The following ALOXE3 variants were observed in gnomAD, a reference collection of about 807,000 sequenced individuals.
The protein encoded by ALOXE3 is arachidonate epidermal lipoxygenase 3, also known as hydroperoxide isomerase ALOXE3.
In ALOXE3, 78 loss-of-function variants were observed where a neutral mutation model predicts 87.5. That is an observed-to-expected ratio of 0.89 (90% CI 0.74 to 1.08). The LOEUF (loss-of-function observed/expected upper bound fraction) is 1.08. Among genes scored for constraint, ALOXE3 ranks in the 50% least tolerant of loss-of-function variants. ALOXE3 has a pLI of 0.00. For synonymous variants in ALOXE3, 363 were observed against 370.8 expected (o/e 0.98, Z 0.24); for missense variants, 946 against 912.4 (o/e 1.04, Z -0.47).
At chr17:8,115,882 C>T (rs925849809) in intron 3 of ALOXE3, among the ~76,000 whole-genome samples, 194 bp from the exon 4 acceptor site, 30 of 152,232 alleles carry the variant, frequency 2.0e-4, no homozygotes, top group Non-Finnish European at 1.5e-5. Flanking sequence ...CAAATTATAG[C>T]AATCTTCCCA....
In ALOXE3 at chr17:8,108,452, G is replaced by A. The variant is rs1254135382; in HGVS notation, c.1684+16C>T. 3.1e-6 allele frequency: 5 copies of A among 1,611,732 alleles called. No homozygotes were observed. Among genetic ancestry groups the A allele is most frequent in the Non-Finnish European group, 2.5e-6 (3 of 1,178,640 alleles). ...CTCATCAGAGCTACACGGAAAGTGGGATAGAGAGGGGATACCTGAGCTTTC... is the reference window on the plus strand; with the variant it reads ...CTCATCAGAGCTACACGGAAAGTGGAATAGAGAGGGGATACCTGAGCTTTC... On this transcript the variant is annotated intron_variant, in intron 13 of 15. Transcript: ENST00000448843.
Position 8,096,808 on chromosome 17 carries a change from T to G in ALOXE3, c.1957-2A>C. On this transcript the variant is annotated splice_acceptor_variant, in intron 15 of 15. Transcript: ENST00000448843. LOFTEE classifies it high-confidence loss of function. Reference sequence around the variant, plus strand: ...ATCTGGGTAGGTGCCCAGGGGCCTCTGGGAGGACATCAGGTAAGAGGTCAG... The same window carrying G: ...ATCTGGGTAGGTGCCCAGGGGCCTCGGGGAGGACATCAGGTAAGAGGTCAG... The G allele has an allele frequency of 6.2e-7, 1 of 1,614,050 alleles. No homozygotes were observed.
chr17:8,110,605 A>ACCCCAGAGAGGAGCTGAGGC, intron 8 of ALOXE3, 77 bp from the exon 9 acceptor site: 2 of 1,598,360 alleles, frequency 1.3e-6, no homozygotes, highest in South Asian at 2.2e-5. Context: ...GCCCACTTCC[A>ACCCCAGAGAGGAGCTGAGGC]CCCCAGAGAG....
chr17:8,118,001 A>G lies in ALOXE3; in HGVS notation c.-11T>C. ...GCGGTACACTGCCATGATGGGAAGG[A>G]GGAAGGGATGCCCCGGCAACGCTGG... On this transcript the variant is annotated 5_prime_UTR_variant, in exon 2 of 16. Coordinates refer to ENST00000448843, the MANE Select transcript of ALOXE3 (RefSeq NM_021628.3). 6.2e-7 allele frequency: 1 copy of G among 1,609,846 alleles called. No individual in the cohort carries two copies. The highest frequency in any genetic ancestry group is 8.5e-7 in the Non-Finnish European group (1 of 1,179,538).
At chr17:8,112,012 G>T in intron 7 of ALOXE3, 81 bp downstream of exon 7, 2 of 1,289,168 alleles carry the variant, frequency 1.6e-6, no homozygotes, top group Non-Finnish European at 2.3e-6. Context: ...CTGGGAGAGG[G>T]CCCTTTCCCA....
In ALOXE3 at chr17:8,116,808, C is replaced by A. The variant is rs1568005522; in HGVS notation, c.320G>T (p.Gly107Val). ...TGGCCTCAGCTCCACGGTGCAGTAG[C>A]CTTCAATCCACTGATAGCAGGGGAA... Reference protein sequence around the residue: ...SHFPCYQWIEGYCTVELRPGT... With the variant: ...SHFPCYQWIEVYCTVELRPGT... The change falls in exon 3 of 16, where the codon GGC becomes GTC. Residue 107 changes from glycine to valine, a missense_variant. Gly to Val is a moderately radical substitution (Grantham distance 109). Coordinates refer to ENST00000448843, the MANE Select transcript of ALOXE3 (RefSeq NM_021628.3). 1 of 1,614,116 alleles carries A rather than the reference C, an allele frequency of 6.2e-7. No homozygotes were observed. The highest frequency in any genetic ancestry group is 1.3e-5 in the African/African-American group (1 of 74,940).
intron 14 of ALOXE3, 164 bp from the exon 15 acceptor site, chr17:8,103,657 G>A (rs1979070904): frequency 1.2e-6 from 1 of 839,318 alleles, no homozygotes; most frequent in Non-Finnish European, 1.9e-6. Flanking sequence ...TCATGGAAAG[G>A]CAAGAGAGGA....
At position 8,109,158 on chromosome 17, in the gene ALOXE3, GC is replaced by G. The variant is rs758837775; in HGVS notation, c.1562+15del. 2.5e-5 allele frequency: 40 copies of G among 1,611,744 alleles called. No individual in the cohort carries two copies. In the East Asian group the frequency reaches 8.9e-4, roughly 36 times the overall value. ...AGACCCTGGTGGGACTGCTGGTCCC[GC>G]CCCGCACCTCGCACCTCTCAATGGC... On this transcript the variant is annotated intron_variant, in intron 12 of 15. Coordinates refer to ENST00000448843, the MANE Select transcript of ALOXE3 (RefSeq NM_021628.3).
rs1460158255 is a variant in ALOXE3, at chr17:8,118,185, C to T, written c.-195G>A. 6.4e-7 allele frequency: 1 copy of T among 1,551,556 alleles called. No homozygotes were observed. The highest frequency in any genetic ancestry group is 1.2e-5 in the South Asian group (1 of 84,052). On this transcript the variant is annotated 5_prime_UTR_variant, in exon 2 of 16. Transcript: ENST00000448843. ...TTCTCTCTCCGAAGCTCCCTGCTGGCGGCTCGGGCTTCCTCTCTCCGCCCA... is the reference window on the plus strand; with the variant it reads ...TTCTCTCTCCGAAGCTCCCTGCTGGTGGCTCGGGCTTCCTCTCTCCGCCCA...
chr17:8,097,082 T>G (rs1377594991), intron 15 of ALOXE3, among the ~76,000 whole-genome samples: 1 of 152,174 alleles, frequency 6.6e-6, no homozygotes, highest in Non-Finnish European at 1.5e-5. Flanking sequence ...GCCTGTTACT[T>G]TGACTCTTTG....
intron 15 of ALOXE3, among the ~76,000 whole-genome samples, chr17:8,097,292 G>A (rs150550489): frequency 2.2e-4 from 33 of 152,146 alleles, no homozygotes; most frequent in African/African-American, 7.2e-4. Context: ...ACCGTGCCTG[G>A]CCTAGACCTT....
intron 8 of ALOXE3, among the ~76,000 whole-genome samples, chr17:8,111,052 TC>T (rs1235057820): frequency 1.3e-5 from 2 of 152,304 alleles, no homozygotes; most frequent in East Asian, 3.9e-4. Flanking sequence ...CCTCTAGGCC[TC>T]AGCACCTCTT....
chr17:8,114,845 C>T, intron 5 of ALOXE3, 93 bp downstream of exon 5: 1 of 1,574,318 alleles, frequency 6.4e-7, no homozygotes, highest in East Asian at 2.2e-5. Context: ...GTCATAGACC[C>T]CTACCCCTCC....
At chr17:8,108,055 GAA>G (rs1194821286) in intron 13 of ALOXE3, among the ~76,000 whole-genome samples, 2 of 149,844 alleles carry the variant, frequency 1.3e-5, no homozygotes, top group East Asian at 3.9e-4. Flanking sequence ...AAGAAAGAAA[GAA>G]AGAAAGAAAG....
chr17:8,104,219 G>A lies in ALOXE3; in HGVS notation c.1685-4C>T. The A allele has an allele frequency of 6.2e-7, 1 of 1,611,640 alleles. No homozygotes were observed. The highest frequency in any genetic ancestry group is 1.3e-5 in the African/African-American group (1 of 74,974). On this transcript the variant is annotated splice_region_variant and splice_polypyrimidine_tract_variant and intron_variant, in intron 13 of 15. Transcript: ENST00000448843. ...GTGCACAGCCGGCTTGGGAAACCTG[G>A]GTGTGGGGAGGAAGGGTAGAGGGTG...
chr17:8,111,367 C>G lies in ALOXE3; in HGVS notation c.949G>C (p.Glu317Gln), dbSNP rs762850822. Residue 317 changes from glutamate to glutamine, a missense_variant, in exon 8 of 16, where the codon GAG becomes CAG. Transcript: ENST00000448843. ...LLGQDTCLQT[E>Q]LERGNIFLAD... is the part of the protein sequence containing the mutation. ...CCCAGATCCTTACCCACCTCTAGCTCTGTCTGCAGGCATGTGTCCTGTCCC... is the reference window on the plus strand; with the variant it reads ...CCCAGATCCTTACCCACCTCTAGCTGTGTCTGCAGGCATGTGTCCTGTCCC... The G allele has an allele frequency of 2.5e-6, 4 of 1,613,124 alleles. No individual in the cohort carries two copies. Among genetic ancestry groups the G allele is most frequent in the African/African-American group, 1.3e-5 (1 of 74,912 alleles).
Position 8,109,897 on chromosome 17 carries a change from C to T in ALOXE3, c.1392+19G>A. ...CGTCTTCGGGGGCGGAGATCAGTGA[C>T]CCGGCAGGGAGGCCGCACCTGGTCC... On this transcript the variant is annotated intron_variant, in intron 11 of 15. Coordinates refer to ENST00000448843, the MANE Select transcript of ALOXE3 (RefSeq NM_021628.3). 6 of 1,546,944 alleles carry T rather than the reference C, an allele frequency of 3.9e-6. No homozygotes were observed. The highest frequency in any genetic ancestry group is 4.4e-6 in the Non-Finnish European group (5 of 1,145,268).
intron 15 of ALOXE3, among the ~76,000 whole-genome samples, chr17:8,098,388 C>G (rs1483491751): frequency 6.6e-6 from 1 of 151,364 alleles, no homozygotes; most frequent in Non-Finnish European, 1.5e-5. Context: ...TACAGGTAGC[C>G]ACCACCATGC....
rs1247080874 is a variant in ALOXE3 at position 8,116,849 on chromosome 17, A to G, written c.279T>C (p.Asp93=). The change falls in exon 3 of 16, where the codon GAT becomes GAC. Residue 93 remains aspartate (D), a synonymous_variant. Coordinates refer to ENST00000448843, the MANE Select transcript of ALOXE3 (RefSeq NM_021628.3). ...YCSRICVTEP[D]GSVSHFPCYQ... ...AGCAGGGGAAGTGGGATACACTACC[A>G]TCCGGTTCGGTGACACAGATGCGGC... 1 of 1,614,132 alleles carries G rather than the reference A, an allele frequency of 6.2e-7. No homozygotes were observed. The highest frequency in any genetic ancestry group is 8.5e-7 in the Non-Finnish European group (1 of 1,180,050).
Sources: gnomAD v4.1 joint callset for allele counts (sites outside exome capture counted in the v4.1 genomes callset) on GRCh38, gnomAD v4.1.1 for gene constraint, MANE v1.5 for transcripts, NCBI Gene and HGNC (gene_info 2026-07-23, HGNC 2026-07-21) for gene names.